The following PITPNC1 variants were observed in gnomAD, a reference collection of about 807,000 sequenced individuals.
The protein encoded by PITPNC1 is phosphatidylinositol transfer protein cytoplasmic 1, also known as cytoplasmic phosphatidylinositol transfer protein 1.
Under a neutral mutation model 44.7 loss-of-function variants are expected in PITPNC1, and 18 were observed. That is an observed-to-expected ratio of 0.40 (90% CI 0.28 to 0.60). The LOEUF is 0.60. Ranked by LOEUF, PITPNC1 falls within the 20% of genes least tolerant of loss-of-function variation. The pLI is 0.39. For missense variants in PITPNC1, 290 were observed against 418.4 expected, an observed-to-expected ratio of 0.69 and a Z score of 2.68; for synonymous variants, 141 against 149.6, an observed-to-expected ratio of 0.94 and a Z score of 0.42.
At chr17:67,523,885 C>G (rs368910464) in intron 1 of PITPNC1, among the ~76,000 whole-genome samples, 1 of 145,154 alleles carries the variant, frequency 6.9e-6, no homozygotes, top group East Asian at 2.1e-4. Context: ...AATCTCTGCT[C>G]ACTGCAACCT....
chr17:67,642,315 C>T (rs1334592729), intron 6 of PITPNC1, among the ~76,000 whole-genome samples: 1 of 152,114 alleles, frequency 6.6e-6, no homozygotes, highest in African/African-American at 2.4e-5. Context: ...TATCAGCAAC[C>T]GTGCAAGGGG....
chr17:67,670,817 G>A (rs917315055), intron 7 of PITPNC1, among the ~76,000 whole-genome samples: 2 of 151,042 alleles, frequency 1.3e-5, no homozygotes, highest in Admixed American at 1.3e-4. Flanking sequence ...TAACAGCCTC[G>A]GGATGCAGAT....
intron 5 of PITPNC1, among the ~76,000 whole-genome samples, chr17:67,582,419 C>G (rs57262973): frequency 0.049 from 7,387 of 152,196 alleles, 420 homozygotes; most frequent in East Asian, 0.28. Flanking sequence ...TGTTTCCTCC[C>G]CTACCTGCCA....
intron 6 of PITPNC1, among the ~76,000 whole-genome samples, chr17:67,643,956 G>A (rs1455809138): frequency 2.0e-5 from 3 of 152,128 alleles, no homozygotes; most frequent in East Asian, 3.8e-4. Context: ...TTCCCTTGTC[G>A]GTGTGAGTGG....
chr17:67,689,969 GTAAGTTTA>G (rs2042890105), intron 8 of PITPNC1, among the ~76,000 whole-genome samples: 1 of 152,070 alleles, frequency 6.6e-6, no homozygotes, highest in African/African-American at 2.4e-5. Flanking sequence ...TTAAAAATTG[GTAAGTTTA>G]TAGGTACAAT....
chr17:67,549,182 G>A (rs1048394463), intron 2 of PITPNC1, among the ~76,000 whole-genome samples: 1 of 152,122 alleles, frequency 6.6e-6, no homozygotes, highest in Non-Finnish European at 1.5e-5. Flanking sequence ...GGCCGGGCGC[G>A]GTGGTTCATG....
chr17:67,672,459 CG>C (rs1404873935), intron 7 of PITPNC1, among the ~76,000 whole-genome samples: 3 of 151,334 alleles, frequency 2.0e-5, no homozygotes, highest in Non-Finnish European at 4.4e-5. Flanking sequence ...ATTAGCTGGG[CG>C]TGGTGACAGG....
chr17:67,464,473 G>T (rs1333759697), intron 1 of PITPNC1, among the ~76,000 whole-genome samples: 2 of 152,028 alleles, frequency 1.3e-5, no homozygotes, highest in African/African-American at 2.4e-5. Context: ...TAATTCATTG[G>T]TTTTCAGTCC....
At chr17:67,599,032 ATATTTTTTT>A (rs1307306150) in intron 5 of PITPNC1, among the ~76,000 whole-genome samples, 11 of 29,280 alleles carry the variant, frequency 3.8e-4, no homozygotes, top group African/African-American at 1.4e-3. Flanking sequence ...ATATATATAT[ATATTTTTTT>A]TTTTTTTTTT....
chr17:67,587,385 T>G (rs763838339), intron 5 of PITPNC1, among the ~76,000 whole-genome samples: 2 of 151,828 alleles, frequency 1.3e-5, no homozygotes, highest in Non-Finnish European at 2.9e-5. Flanking sequence ...TCCCAGCTAC[T>G]CAGGAGGCTG....
chr17:67,522,476 G>A (rs892302), intron 1 of PITPNC1, among the ~76,000 whole-genome samples: 88,800 of 151,612 alleles, frequency 0.59, 26,131 homozygotes, highest in East Asian at 0.75. Flanking sequence ...TAAACCAAAG[G>A]TTCATCAAAT....
intron 1 of PITPNC1, among the ~76,000 whole-genome samples, chr17:67,378,696 A>T (rs2037909860): frequency 6.6e-6 from 1 of 152,080 alleles, no homozygotes. Flanking sequence ...CCCTTAGGGG[A>T]GGTCCCTGCG....
intron 1 of PITPNC1, among the ~76,000 whole-genome samples, chr17:67,510,014 G>A (rs753216126): frequency 2.0e-4 from 30 of 152,204 alleles, no homozygotes; most frequent in Non-Finnish European, 4.1e-4. Context: ...CCTTTATGCA[G>A]AGGTTTGGGA....
chr17:67,435,766 C>T (rs1245768563), intron 1 of PITPNC1, among the ~76,000 whole-genome samples: 1 of 152,080 alleles, frequency 6.6e-6, no homozygotes, highest in Non-Finnish European at 1.5e-5. Flanking sequence ...GCAGGAGAAT[C>T]GCTTGAACCT....
chr17:67,518,927 G>GC (rs1354639713), intron 1 of PITPNC1, among the ~76,000 whole-genome samples: 2 of 152,170 alleles, frequency 1.3e-5, no homozygotes, highest in Non-Finnish European at 2.9e-5. Flanking sequence ...GGGTGACAGA[G>GC]CAAGACCCTT....
chr17:67,408,725 C>CTTTCTTT (rs1567978447), intron 1 of PITPNC1: 154 of 118,102 alleles, frequency 1.3e-3, no homozygotes, highest in African/African-American at 3.9e-3. Flanking sequence ...TTCCTTCCTT[C>CTTTCTTT]CTTCCTTTCT....
chr17:67,535,487 A>C (rs1164500671), intron 2 of PITPNC1, among the ~76,000 whole-genome samples: 1 of 152,224 alleles, frequency 6.6e-6, no homozygotes, highest in East Asian at 1.9e-4. Context: ...GAATTTTAGG[A>C]ACTTTGTAAG....
chr17:67,672,698 A>G (rs751506260), intron 7 of PITPNC1, among the ~76,000 whole-genome samples: 23 of 152,036 alleles, frequency 1.5e-4, no homozygotes, highest in Admixed American at 3.3e-4. Context: ...GACTCAGGCT[A>G]GTTTTGAGAA....
chr17:67,683,469 T>G (rs1347668317), intron 8 of PITPNC1, among the ~76,000 whole-genome samples: 4 of 152,206 alleles, frequency 2.6e-5, no homozygotes, highest in Admixed American at 6.5e-5. Context: ...TGAGAAATAC[T>G]GAAAATATTT....
Sources: gnomAD v4.1 joint callset for allele counts (sites outside exome capture counted in the v4.1 genomes callset) on GRCh38, gnomAD v4.1.1 for gene constraint, MANE v1.5 for transcripts, NCBI Gene and HGNC (gene_info 2026-07-23, HGNC 2026-07-21) for gene names.